Variants in USP15 observed in about 807,000 individuals in gnomAD.
USP15 encodes ubiquitin carboxyl-terminal hydrolase 15.
Under a neutral mutation model 127.1 loss-of-function variants are expected in USP15, and 18 were observed. The observed-to-expected ratio is 0.14, with a 90% CI of 0.10 to 0.21. The LOEUF (loss-of-function observed/expected upper bound fraction) is 0.21, where lower values mean the gene tolerates loss of function less well. Among genes scored for constraint, USP15 ranks in the 10% least tolerant of loss-of-function variants. The pLI, the probability that USP15 is intolerant of heterozygous loss-of-function variation, is 1.00. For synonymous variants in USP15, 364 were observed against 393.7 expected (o/e 0.92, Z 0.89); for missense variants, 805 against 1,159.9 (o/e 0.69, Z 4.44).
rs559161839 is a variant in USP15 at position 62,302,648 on chromosome 12, C to A, written c.218-142C>A. ...GGCCCAGAGAAACCCAAAAATTGGA[C>A]ACCCCTGATGTAAGGGAGCTGAATT... On this transcript the variant is annotated intron_variant, in intron 2 of 21. Transcript: ENST00000280377. 1.1e-5 allele frequency: 8 copies of A among 701,884 alleles called. No individual in the cohort carries two copies. In the Admixed American group the frequency reaches 2.4e-4, roughly 21 times the overall value. The allele number at this position is 701,884 out of a possible 1,614,324, so 43.5% of individuals were successfully genotyped here. A position where few individuals can be genotyped will look rare whatever the true frequency, so the allele number is the denominator to read the frequency against.
chr12:62,402,934 A>G (rs1459982861), intron 21 of USP15, among the ~76,000 whole-genome samples: 1 of 152,082 alleles, frequency 6.6e-6, no homozygotes, highest in Non-Finnish European at 1.5e-5. Context: ...ACAAGGGGAG[A>G]ATGGATTTAT....
chr12:62,336,311 A>G (rs896266335), intron 6 of USP15: 2 of 985,208 alleles, frequency 2.0e-6, no homozygotes, highest in African/African-American at 1.7e-5. Context: ...ATTAAACCAA[A>G]TCTTTTTACC....
intron 6 of USP15, among the ~76,000 whole-genome samples, chr12:62,330,763 A>G (rs1476420993): frequency 6.6e-6 from 1 of 151,140 alleles, no homozygotes; most frequent in Non-Finnish European, 1.5e-5. Flanking sequence ...TCTACAAAAA[A>G]AAAAAAACAA....
At position 62,383,804 on chromosome 12, in the gene USP15, C is replaced by T. The variant is rs554245302; in HGVS notation, c.1090-36C>T. ...CATATGTTTAAAAATCAACCCTGTT[C>T]CTAGAACTGATTTGATGGTTTTGCA... On this transcript the variant is annotated intron_variant, in intron 9 of 21. Coordinates refer to ENST00000280377, the MANE Select transcript of USP15 (RefSeq NM_001252078.2). The T allele has an allele frequency of 1.3e-4, 203 of 1,600,400 alleles. 1 individual carries two copies. Among genetic ancestry groups the T allele is most frequent in the South Asian group, 4.4e-4 (39 of 89,266 alleles).
intron 6 of USP15, 121 bp downstream of exon 6, chr12:62,326,054 A>G (rs2065112666): frequency 1.3e-6 from 1 of 795,454 alleles, no homozygotes; most frequent in South Asian, 2.5e-5. Context: ...CCTTGTTTAT[A>G]TTTGAGTATT....
Position 62,391,322 on chromosome 12 carries a change from A to G in USP15, c.2126A>G (p.Lys709Arg), listed in dbSNP as rs934261697. The stretch of plus-strand genomic sequence containing the variant: ...AAAGGTCAACTCACGGGACACAAAA[A>G]ACGATTGTTTACATTCCAGTTCAAC... ...TCKGQLTGHK[K>R]RLFTFQFNNL... The change falls in exon 16 of 22, where the codon AAA (lysine) becomes AGA (arginine). Residue 709 changes from lysine to arginine, a missense_variant. Transcript: ENST00000280377. 2 of 1,613,570 alleles carry G rather than the reference A, an allele frequency of 1.2e-6. No individual in the cohort carries two copies. Among genetic ancestry groups the G allele is most frequent in the African/African-American group, 1.3e-5 (1 of 75,000 alleles).
At chr12:62,316,910 AC>A (rs1340916495) in intron 4 of USP15, among the ~76,000 whole-genome samples, 2 of 152,152 alleles carry the variant, frequency 1.3e-5, no homozygotes, top group African/African-American at 4.8e-5. Context: ...ATATACTAAT[AC>A]TTTAAAATGC....
At chr12:62,306,428 G>T (rs2064485168) in intron 3 of USP15, among the ~76,000 whole-genome samples, 1 of 152,150 alleles carries the variant, frequency 6.6e-6, no homozygotes, top group South Asian at 2.1e-4. Context: ...TAGATTACTA[G>T]ACTTTGAGAT....
At chr12:62,318,085 G>A (rs2064881550) in intron 4 of USP15, among the ~76,000 whole-genome samples, 1 of 152,064 alleles carries the variant, frequency 6.6e-6, no homozygotes, top group Non-Finnish European at 1.5e-5. Context: ...GAATTAATAT[G>A]TGGAAAAATA....
At chr12:62,293,380 C>T (rs113296466) in intron 1 of USP15, among the ~76,000 whole-genome samples, 11,953 of 151,774 alleles carry the variant, frequency 0.079, 591 homozygotes, top group Middle Eastern at 0.16. Context: ...TTTTTGAGAC[C>T]GAGTCTCTCT....
intron 8 of USP15, among the ~76,000 whole-genome samples, chr12:62,376,918 G>T (rs1212389375): frequency 2.6e-5 from 4 of 152,130 alleles, no homozygotes; most frequent in African/African-American, 9.7e-5. Flanking sequence ...TTTAAGAAAA[G>T]AATTGTTTTG....
At chr12:62,390,828 A>G (rs2067303039) in intron 14 of USP15, 36 bp from the exon 15 acceptor site, 1 of 1,466,304 alleles carries the variant, frequency 6.8e-7, no homozygotes, top group African/African-American at 1.4e-5. Flanking sequence ...TTATCTTTGT[A>G]GTACTGAACT....
At chr12:62,354,451 T>A (rs2066057611) in intron 7 of USP15, among the ~76,000 whole-genome samples, 1 of 151,852 alleles carries the variant, frequency 6.6e-6, no homozygotes, top group Admixed American at 6.6e-5. Flanking sequence ...GCTTTTGAAT[T>A]ATATCCAAAA....
chr12:62,349,120 C>T, intron 6 of USP15, 101 bp from the exon 7 acceptor site: 1 of 622,500 alleles, frequency 1.6e-6, no homozygotes, highest in Non-Finnish European at 2.4e-6. Flanking sequence ...TATTTTTCAG[C>T]ATTCATTTAC....
chr12:62,401,872 G>A (rs772426704), intron 21 of USP15, among the ~76,000 whole-genome samples: 1 of 146,356 alleles, frequency 6.8e-6, no homozygotes, highest in Non-Finnish European at 1.5e-5. Context: ...GTGTGTGTGT[G>A]TATATGTATA....
At chr12:62,393,918 A>C (rs965166804) in intron 19 of USP15, 1 of 152,314 alleles carries the variant, frequency 6.6e-6, no homozygotes, top group Admixed American at 6.5e-5. Flanking sequence ...AAAATAAAAC[A>C]ACAATGGAAT....
intron 1 of USP15, among the ~76,000 whole-genome samples, chr12:62,271,670 T>C (rs187295684): frequency 3.3e-5 from 5 of 152,008 alleles, no homozygotes; most frequent in Admixed American, 3.3e-4. Flanking sequence ...ATCATTTCCT[T>C]CTTGCTTCAT....
chr12:62,328,611 G>A (rs553513114), intron 6 of USP15, among the ~76,000 whole-genome samples: 5 of 152,050 alleles, frequency 3.3e-5, no homozygotes, highest in Non-Finnish European at 5.9e-5. Flanking sequence ...AGTAATGCCT[G>A]TTTTCTTTAA....
intron 8 of USP15, among the ~76,000 whole-genome samples, chr12:62,378,477 T>G (rs900203132): frequency 6.6e-6 from 1 of 152,178 alleles, no homozygotes; most frequent in African/African-American, 2.4e-5. Flanking sequence ...TAGCTTAAAT[T>G]TAAATATTGG....
Sources: gnomAD v4.1 joint callset for allele counts (sites outside exome capture counted in the v4.1 genomes callset) on GRCh38, gnomAD v4.1.1 for gene constraint, MANE v1.5 for transcripts, NCBI Gene and HGNC (gene_info 2026-07-23, HGNC 2026-07-21) for gene names.